KIF26B: variants seen among roughly 807,000 people sequenced by gnomAD.
The protein encoded by KIF26B is kinesin family member 26B.
Under a neutral mutation model 151.2 loss-of-function variants are expected in KIF26B, and 63 were observed. The observed-to-expected ratio is 0.42, with a 90% CI of 0.34 to 0.51. The LOEUF (loss-of-function observed/expected upper bound fraction) is 0.51, where lower values mean the gene tolerates loss of function less well. Among genes scored for constraint, KIF26B ranks in the 20% least tolerant of loss-of-function variants. KIF26B has a pLI of 0.07. For missense variants in KIF26B, 2,813 were observed against 2,913.6 expected, an observed-to-expected ratio of 0.97 and a Z score of 0.79; for synonymous variants, 1,357 against 1,262.1, an observed-to-expected ratio of 1.08 and a Z score of -1.59.
chr1:245,593,961 A>C (rs2043315997), intron 5 of KIF26B, among the ~76,000 whole-genome samples: 1 of 152,118 alleles, frequency 6.6e-6, no homozygotes, highest in Admixed American at 6.5e-5. Context: ...TTGGCCACAT[A>C]AATGTTTTCT....
intron 10 of KIF26B, among the ~76,000 whole-genome samples, chr1:245,661,105 G>GC (rs1408015122): frequency 6.6e-6 from 1 of 151,492 alleles, no homozygotes. Context: ...TCCTGCCTCA[G>GC]CCCCCCGAGT....
chr1:245,473,886 T>TA (rs1367129590), intron 4 of KIF26B, among the ~76,000 whole-genome samples: 1 of 151,848 alleles, frequency 6.6e-6, no homozygotes, highest in Non-Finnish European at 1.5e-5. Flanking sequence ...TCGGTTTTTT[T>TA]ATTGATACAT....
intron 2 of KIF26B, among the ~76,000 whole-genome samples, chr1:245,292,733 C>A (rs1218905271): frequency 6.6e-6 from 1 of 152,202 alleles, no homozygotes; most frequent in Non-Finnish European, 1.5e-5. Flanking sequence ...CTGGAAGTGG[C>A]TGGCAGATCA....
At chr1:245,555,210 A>G (rs1035515755) in intron 5 of KIF26B, among the ~76,000 whole-genome samples, 6 of 152,120 alleles carry the variant, frequency 3.9e-5, no homozygotes, top group African/African-American at 1.4e-4. Flanking sequence ...AAGGTGGTGT[A>G]TTCTGGAATG....
rs1193518894 is a variant in KIF26B at position 245,241,588 on chromosome 1, C to A, written c.465+84905C>A. Among the ~76,000 whole-genome samples the A allele has an allele frequency of 1.3e-5, 2 of 152,242 alleles. No individual in the cohort carries two copies. Among genetic ancestry groups the A allele is most frequent in the East Asian group, 3.8e-4 (2 of 5,204 alleles). ...AAAGCTGGCCCAAACCTGCCCTTTC[C>A]TTGCAGCCCAATGGCCTCAGGAGAC... On this transcript the variant is annotated intron_variant, in intron 2 of 14. Transcript: ENST00000407071. This position sits in a 1 kb window ranked among gnomAD's most constrained non-coding sequence, Gnocchi z 5.0.
chr1:245,173,392 A>G (rs1024309011), intron 2 of KIF26B, among the ~76,000 whole-genome samples: 3 of 152,214 alleles, frequency 2.0e-5, no homozygotes, highest in Non-Finnish European at 2.9e-5. Context: ...GGAAAGTAGT[A>G]TAAGTTGTGT....
Position 245,601,615 on chromosome 1 carries a change from C to T in KIF26B, c.1351-962C>T, listed in dbSNP as rs1488869899. Among the ~76,000 whole-genome samples the T allele has an allele frequency of 2.0e-5, 3 of 152,182 alleles. No individual in the cohort carries two copies. The highest frequency in any genetic ancestry group is 4.4e-5 in the Non-Finnish European group (3 of 68,030). On this transcript the variant is annotated intron_variant, in intron 5 of 14. Coordinates refer to ENST00000407071, the MANE Select transcript of KIF26B (RefSeq NM_018012.4). The surrounding 1 kb of genome is among the most constrained non-coding windows in gnomAD (Gnocchi z 4.4). The stretch of plus-strand genomic sequence containing the variant: ...GTCTATCCTGCTACTCTATGCATTA[C>T]ATATCTTTGCATCCCCCATGCCTAG...
rs557243512 is a variant in KIF26B, at chr1:245,354,374, C to A, written c.466-12460C>A. 3.0e-4 allele frequency among the ~76,000 whole-genome samples: 46 copies of A among 152,312 alleles called. 1 individual carries two copies. Among genetic ancestry groups the A allele is most frequent in the Admixed American group, 2.2e-3 (33 of 15,298 alleles). ...CCCCTCTGAAACCCAGGCCAAGAGG[C>A]AGAGATGCCAATGACAGGCTCTGTG... On this transcript the variant is annotated intron_variant, in intron 2 of 14. Coordinates refer to ENST00000407071, the MANE Select transcript of KIF26B (RefSeq NM_018012.4).
intron 2 of KIF26B, among the ~76,000 whole-genome samples, chr1:245,253,975 G>T (rs943546792): frequency 6.6e-6 from 1 of 151,316 alleles, no homozygotes; most frequent in Non-Finnish European, 1.5e-5. Flanking sequence ...ACGCCCGGCT[G>T]ATTTTTTTGT....
At chr1:245,449,222 C>G (rs1659321879) in intron 4 of KIF26B, among the ~76,000 whole-genome samples, 1 of 152,150 alleles carries the variant, frequency 6.6e-6, no homozygotes, top group African/African-American at 2.4e-5. Flanking sequence ...TCTCTATATC[C>G]CGACAGATCC....
chr1:245,336,277 G>A (rs768367094), intron 2 of KIF26B, among the ~76,000 whole-genome samples: 5 of 152,256 alleles, frequency 3.3e-5, no homozygotes, highest in African/African-American at 4.8e-5. Context: ...ACTGTTCTCA[G>A]AAAGAAGAGA....
chr1:245,493,548 C>T (rs1268412853), intron 4 of KIF26B, among the ~76,000 whole-genome samples: 1 of 152,198 alleles, frequency 6.6e-6, no homozygotes, highest in Non-Finnish European at 1.5e-5. Context: ...GTGTAACCTT[C>T]TGATGAGACT....
chr1:245,695,688 T>C (rs943247019), intron 12 of KIF26B, among the ~76,000 whole-genome samples: 1 of 152,118 alleles, frequency 6.6e-6, no homozygotes, highest in Non-Finnish European at 1.5e-5. Flanking sequence ...AGGAAGTAGA[T>C]ACCCGCCAGG....
intron 2 of KIF26B, among the ~76,000 whole-genome samples, chr1:245,169,414 C>G (rs183380630): frequency 6.6e-6 from 1 of 151,004 alleles, no homozygotes; most frequent in Non-Finnish European, 1.5e-5. Context: ...GGTGGTAACA[C>G]GGTAGACATT....
chr1:245,635,402 TTGTTTAATTTACTGGCATAA>T (rs2043824353), intron 9 of KIF26B, among the ~76,000 whole-genome samples: 1 of 152,142 alleles, frequency 6.6e-6, no homozygotes, highest in Non-Finnish European at 1.5e-5. Flanking sequence ...TTCTTACACA[TTGTTTAATTTACTGGCATAA>T]TGTTTCTTTA....
At chr1:245,522,775 G>A (rs559101480) in intron 4 of KIF26B, among the ~76,000 whole-genome samples, 1 of 152,320 alleles carries the variant, frequency 6.6e-6, no homozygotes, top group South Asian at 2.1e-4. Flanking sequence ...TCTACAGCCA[G>A]TTGTGGTGTC....
chr1:245,680,748 A>ATTG, intron 10 of KIF26B, among the ~76,000 whole-genome samples: 1 of 152,228 alleles, frequency 6.6e-6, no homozygotes, highest in Non-Finnish European at 1.5e-5. Context: ...TTGTAACCCC[A>ATTG]AAATCAATAC....
At chr1:245,445,461 G>C (rs72761193) in intron 4 of KIF26B, among the ~76,000 whole-genome samples, 4,273 of 152,334 alleles carry the variant, frequency 0.028, 89 homozygotes, top group Non-Finnish European at 0.038. Flanking sequence ...ATACTACAGA[G>C]AGAAGTGCGT....
rs1444327907 is a variant in KIF26B, at chr1:245,686,220, C to T, written c.3237C>T (p.Tyr1079=). 3 of 1,612,696 alleles carry T rather than the reference C, an allele frequency of 1.9e-6. No individual in the cohort carries two copies. Among genetic ancestry groups the T allele is most frequent in the Non-Finnish European group, 2.5e-6 (3 of 1,179,898 alleles). ...GIASLSKTSE[Y]KPPSSPSQRC... is the part of the protein sequence containing the mutation. The stretch of plus-strand genomic sequence containing the variant: ...CCAGCCTGTCCAAGACCTCGGAGTA[C>T]AAGCCACCCAGCTCTCCTTCCCAGA... Residue 1079 remains tyrosine, a synonymous_variant, in exon 12 of 15, where the codon TAC becomes TAT. Transcript: ENST00000407071. The surrounding 1 kb of genome is among the most constrained non-coding windows in gnomAD (Gnocchi z 5.6).
Sources: gnomAD v4.1 joint callset for allele counts (sites outside exome capture counted in the v4.1 genomes callset) on GRCh38, gnomAD v4.1.1 for gene constraint, Gnocchi (gnomAD v3.1) non-coding constraint, MANE v1.5 for transcripts, NCBI Gene and HGNC (gene_info 2026-07-23, HGNC 2026-07-21) for gene names.